Variants in PKHD1 observed in about 807,000 individuals in gnomAD.
PKHD1 encodes fibrocystin.
In PKHD1, 291 loss-of-function variants were observed where a neutral mutation model predicts 412.0. That is an observed-to-expected ratio of 0.71 (90% CI 0.64 to 0.78). The LOEUF is 0.78. Among genes scored for constraint, PKHD1 ranks in the 30% least tolerant of loss-of-function variants. The pLI is 0.00. For synonymous variants in PKHD1, 1,777 were observed against 1,821.5 expected (o/e 0.98, Z 0.62); for missense variants, 4,825 against 4,950.7 (o/e 0.97, Z 0.76).
intron 52 of PKHD1, among the ~76,000 whole-genome samples, chr6:51,801,240 C>T (rs1762860187): frequency 6.6e-6 from 1 of 152,054 alleles, no homozygotes; most frequent in Middle Eastern, 3.4e-3. Context: ...GAAAAGTATT[C>T]CTAAAATAGA....
At chr6:51,767,099 A>T (rs1789179254) in intron 55 of PKHD1, among the ~76,000 whole-genome samples, 1 of 152,082 alleles carries the variant, frequency 6.6e-6, no homozygotes, top group Admixed American at 6.6e-5. Flanking sequence ...GCCTGTCTTC[A>T]ACTAAATTCA....
At position 52,026,085 on chromosome 6, in the gene PKHD1, A is replaced by G. The variant is rs1165815197; in HGVS notation, c.3725T>C (p.Leu1242Ser). Residue 1242 changes from leucine to serine, a missense_variant, in exon 32 of 67, where the codon TTA (leucine) becomes TCA (serine). By Grantham distance (145) the Leu-to-Ser change is moderately radical. Transcript: ENST00000371117. The part of the protein sequence containing the change: ...VGNRSCDIVN[L>S]TEASIWCETL... ...TTCACACCAGATGCTCGCCTCCGTT[A>G]AGTTCACAATGTCACAGGACCGATT... 1 of 1,614,112 alleles carries G rather than the reference A, an allele frequency of 6.2e-7. No homozygotes were observed. The highest frequency in any genetic ancestry group is 8.5e-7 in the Non-Finnish European group (1 of 1,180,014).
intron 64 of PKHD1, among the ~76,000 whole-genome samples, chr6:51,635,222 GCA>G (rs1412979848): frequency 1.3e-5 from 2 of 151,968 alleles, no homozygotes; most frequent in African/African-American, 4.8e-5. Context: ...GAGCCACCCC[GCA>G]CAGCCTAGGG....
At chr6:52,038,303 A>G (rs2128173436) in intron 27 of PKHD1, among the ~76,000 whole-genome samples, 1 of 151,794 alleles carries the variant, frequency 6.6e-6, no homozygotes, top group African/African-American at 2.4e-5. Flanking sequence ...TGAATCTGGC[A>G]GGCAAAGGTT....
Position 51,615,790 on chromosome 6 carries a change from C to A in PKHD1, c.*3291G>T, listed in dbSNP as rs969108396. 1 of 152,106 alleles carries A rather than the reference C, an allele frequency of 6.6e-6. No homozygotes were observed. Among genetic ancestry groups the A allele is most frequent in the African/African-American group, 2.4e-5 (1 of 41,416 alleles). The allele number at this position is 152,106 out of a possible 1,614,324, so 9.4% of individuals were successfully genotyped here. A position where few individuals can be genotyped will look rare whatever the true frequency, so the allele number is the denominator to read the frequency against. Reference sequence around the variant, plus strand: ...GAAAGGGGAAGGCCCTGAGAGAGCTCAACTGTTCTTGGTCCTTGGTGGCCT... The same window carrying A: ...GAAAGGGGAAGGCCCTGAGAGAGCTAAACTGTTCTTGGTCCTTGGTGGCCT... On this transcript the variant is annotated 3_prime_UTR_variant, in exon 67 of 67. Coordinates refer to ENST00000371117, the MANE Select transcript of PKHD1 (RefSeq NM_138694.4).
intron 55 of PKHD1, among the ~76,000 whole-genome samples, chr6:51,770,562 T>C (rs1225276637): frequency 4.0e-5 from 6 of 151,810 alleles, no homozygotes; most frequent in Non-Finnish European, 2.9e-5. Context: ...GGCAAATTTG[T>C]ACTTACTTTC....
At chr6:52,046,858 G>C (rs1481062518) in intron 23 of PKHD1, among the ~76,000 whole-genome samples, 2 of 152,190 alleles carry the variant, frequency 1.3e-5, no homozygotes, top group South Asian at 2.1e-4. Flanking sequence ...CTACTTTAGG[G>C]ATGAAGAAAA....
intron 60 of PKHD1, among the ~76,000 whole-genome samples, chr6:51,668,004 G>T (rs971184910): frequency 6.6e-6 from 1 of 152,070 alleles, no homozygotes; most frequent in Non-Finnish European, 1.5e-5. Flanking sequence ...TGTTCTTTTG[G>T]CTTAGGATTG....
intron 35 of PKHD1, among the ~76,000 whole-genome samples, chr6:52,003,458 C>T (rs1798685099): frequency 6.6e-6 from 1 of 152,096 alleles, no homozygotes. Flanking sequence ...ATCTGCATCT[C>T]CCCTTTCCCT....
intron 43 of PKHD1, among the ~76,000 whole-genome samples, chr6:51,901,689 T>A (rs201222229): frequency 1.0e-4 from 10 of 99,278 alleles, no homozygotes; most frequent in Admixed American, 5.7e-4. Flanking sequence ...AAAAAAAAAC[T>A]TAAAAAAAAA....
chr6:51,820,269 C>G (rs1170779463), intron 52 of PKHD1, among the ~76,000 whole-genome samples: 2 of 152,232 alleles, frequency 1.3e-5, no homozygotes, highest in African/African-American at 2.4e-5. Flanking sequence ...TGTGACCTAG[C>G]CTTCAAAATC....
intron 4 of PKHD1, among the ~76,000 whole-genome samples, chr6:52,081,788 A>G (rs1812074487): frequency 6.6e-6 from 1 of 152,202 alleles, no homozygotes; most frequent in African/African-American, 2.4e-5. Flanking sequence ...AACAGAAAAG[A>G]AAAGGAAATA....
intron 37 of PKHD1, among the ~76,000 whole-genome samples, chr6:51,926,658 C>T (rs1006011324): frequency 2.0e-5 from 3 of 151,994 alleles, no homozygotes; most frequent in African/African-American, 7.3e-5. Context: ...AAACAAGTCC[C>T]CTAAAGTGTG....
intron 41 of PKHD1, among the ~76,000 whole-genome samples, chr6:51,904,266 T>TA (rs1426434728): frequency 6.6e-6 from 1 of 152,216 alleles, no homozygotes; most frequent in Non-Finnish European, 1.5e-5. Context: ...AGATCTGTTT[T>TA]ACTTTTGAGG....
rs532999085 is a variant in PKHD1, at chr6:51,808,356, T to A, written c.8303-16983A>T. On this transcript the variant is annotated intron_variant, in intron 52 of 66. Transcript: ENST00000371117. Reference sequence around the variant, plus strand: ...AATGAAACTGGCTGGCTGGAAGACATGGGTGAAGGGAAAATTTTCAATGAG... The same window carrying A: ...AATGAAACTGGCTGGCTGGAAGACAAGGGTGAAGGGAAAATTTTCAATGAG... Among the ~76,000 whole-genome samples the A allele has an allele frequency of 1.6e-4, 24 of 152,102 alleles. No individual in the cohort carries two copies. In the South Asian group the frequency reaches 4.8e-3, roughly 30 times the overall value.
At chr6:52,035,476 C>T in intron 28 of PKHD1, 115 bp downstream of exon 28, 2 of 1,051,628 alleles carry the variant, frequency 1.9e-6, no homozygotes, top group Non-Finnish European at 3.0e-6. Flanking sequence ...AGCATACTAT[C>T]ATAATGAGAA....
intron 34 of PKHD1, among the ~76,000 whole-genome samples, chr6:52,014,967 A>G (rs942980171): frequency 3.9e-5 from 6 of 152,192 alleles, no homozygotes; most frequent in Admixed American, 1.3e-4. Flanking sequence ...CTCAATGAAG[A>G]AAATAAATAT....
chr6:51,941,777 A>G (rs1788619141), intron 36 of PKHD1, among the ~76,000 whole-genome samples: 1 of 150,424 alleles, frequency 6.6e-6, no homozygotes, highest in Non-Finnish European at 1.5e-5. Context: ...TTTCTTTACT[A>G]TTCCTTTGCA....
intron 66 of PKHD1, among the ~76,000 whole-genome samples, chr6:51,623,752 T>A (rs976010805): frequency 3.3e-5 from 5 of 152,034 alleles, no homozygotes; most frequent in African/African-American, 1.2e-4. Flanking sequence ...CCCAGCTAAT[T>A]TTTTCTGTAT....
Sources: gnomAD v4.1 joint callset for allele counts (sites outside exome capture counted in the v4.1 genomes callset) on GRCh38, gnomAD v4.1.1 for gene constraint, MANE v1.5 for transcripts, NCBI Gene and HGNC (gene_info 2026-07-23, HGNC 2026-07-21) for gene names.